Variants in LRRC7 observed in about 807,000 individuals in gnomAD.
The protein encoded by LRRC7 is leucine-rich repeat-containing protein 7.
LRRC7 carries 23 observed loss-of-function variants against 175.7 expected under a neutral mutation model. The ratio of observed to expected loss-of-function variants is 0.13; its 90% CI spans 0.09 to 0.19. LRRC7 has a LOEUF of 0.19. Ranked by LOEUF, LRRC7 falls within the 10% of genes least tolerant of loss-of-function variation. LRRC7 has a pLI of 1.00. For synonymous variants in LRRC7, 685 were observed against 680.9 expected (o/e 1.01, Z -0.09); for missense variants, 1,354 against 1,904.7 (o/e 0.71, Z 5.38).
chr1:70,130,814 G>A lies in LRRC7; in HGVS notation c.*8927G>A, dbSNP rs1320970858. ...GAAGAATAAAAGATGTCATGAGAGA[G>A]ACGAGGCTACGGAAGTGTAGTTGAG... On this transcript the variant is annotated 3_prime_UTR_variant, in exon 27 of 27. Transcript: ENST00000651989. Among the ~76,000 whole-genome samples the A allele has an allele frequency of 1.3e-5, 2 of 152,192 alleles. No individual in the cohort carries two copies. Among genetic ancestry groups the A allele is most frequent in the Non-Finnish European group, 2.9e-5 (2 of 68,042 alleles).
At chr1:69,696,522 G>A (rs1286957840) in intron 2 of LRRC7, among the ~76,000 whole-genome samples, 1 of 152,158 alleles carries the variant, frequency 6.6e-6, no homozygotes, top group Non-Finnish European at 1.5e-5. Context: ...AGTGATGATT[G>A]TATTTTGCAA....
At chr1:69,880,077 T>C (rs1686446087) in intron 7 of LRRC7, among the ~76,000 whole-genome samples, 1 of 152,164 alleles carries the variant, frequency 6.6e-6, no homozygotes, top group African/African-American at 2.4e-5. Flanking sequence ...CGGGAAATGC[T>C]CCGAGACACT....
In LRRC7 at chr1:70,016,453, G is replaced by T; in HGVS notation, c.1251-12G>T. 1 of 1,567,574 alleles carries T rather than the reference G, an allele frequency of 6.4e-7. No individual in the cohort carries two copies. Among genetic ancestry groups the T allele is most frequent in the Non-Finnish European group, 8.6e-7 (1 of 1,158,092 alleles). On this transcript the variant is annotated splice_polypyrimidine_tract_variant and intron_variant, in intron 13 of 26. Transcript: ENST00000651989. ...CTTTACCCATGCTATTAGACTTTTT[G>T]TGTTTTTGCAGATTGAAGAATTTAC... is the stretch of plus-strand genomic sequence containing the variant.
chr1:69,593,456 T>C (rs1035662812), intron 1 of LRRC7, among the ~76,000 whole-genome samples: 4 of 152,136 alleles, frequency 2.6e-5, no homozygotes, highest in African/African-American at 9.6e-5. Context: ...ATAGGAGATA[T>C]TGATTTTCAA....
chr1:70,060,120 C>G (rs768833648), intron 23 of LRRC7, among the ~76,000 whole-genome samples: 2 of 152,010 alleles, frequency 1.3e-5, no homozygotes, highest in Non-Finnish European at 2.9e-5. Context: ...GAGTTTGAGA[C>G]CAGCCTGGCC....
At chr1:69,596,258 C>T (rs771356519) in intron 1 of LRRC7, among the ~76,000 whole-genome samples, 10 of 152,046 alleles carry the variant, frequency 6.6e-5, no homozygotes, top group Non-Finnish European at 1.0e-4. Context: ...GTTAAAAATC[C>T]GGAGAGGTTA....
intron 2 of LRRC7, among the ~76,000 whole-genome samples, chr1:69,732,304 C>A (rs186799331): frequency 6.6e-6 from 1 of 150,994 alleles, no homozygotes; most frequent in Non-Finnish European, 1.5e-5. Flanking sequence ...TTTTAAAGTT[C>A]GATAGATTTA....
intron 4 of LRRC7, among the ~76,000 whole-genome samples, chr1:69,817,768 A>T (rs546123514): frequency 6.6e-6 from 1 of 152,182 alleles, no homozygotes; most frequent in Admixed American, 6.5e-5. Context: ...TGAATACATG[A>T]TATCTTCTCA....
At chr1:69,645,251 C>T (rs1199081744) in intron 1 of LRRC7, among the ~76,000 whole-genome samples, 2 of 151,868 alleles carry the variant, frequency 1.3e-5, no homozygotes, top group Admixed American at 1.3e-4. Context: ...TTAAGACTGA[C>T]AAATTCTAAA....
intron 23 of LRRC7, among the ~76,000 whole-genome samples, chr1:70,061,065 A>G (rs1014494431): frequency 4.6e-5 from 7 of 152,148 alleles, no homozygotes; most frequent in African/African-American, 1.7e-4. Context: ...CCCAAGCCTC[A>G]TAAGCAAATG....
At chr1:69,585,946 T>A (rs944432070) in intron 1 of LRRC7, among the ~76,000 whole-genome samples, 21 of 152,168 alleles carry the variant, frequency 1.4e-4, no homozygotes, top group African/African-American at 5.1e-4. Context: ...ATAGACGAAA[T>A]CAGCTACTAA....
chr1:69,796,158 C>G (rs866651205), intron 4 of LRRC7, among the ~76,000 whole-genome samples: 58 of 128,724 alleles, frequency 4.5e-4, no homozygotes, highest in African/African-American at 1.6e-3. Context: ...GTGATGTTCC[C>G]CTTCCTGTGT....
intron 8 of LRRC7, among the ~76,000 whole-genome samples, chr1:69,950,229 A>T (rs1188647323): frequency 2.0e-5 from 3 of 152,102 alleles, no homozygotes; most frequent in Non-Finnish European, 4.4e-5. Context: ...AGACATATGG[A>T]TGGATGGATG....
chr1:69,815,290 T>G (rs1333735373), intron 4 of LRRC7, among the ~76,000 whole-genome samples: 3 of 152,182 alleles, frequency 2.0e-5, no homozygotes, highest in Non-Finnish European at 4.4e-5. Flanking sequence ...AATAAAAATT[T>G]GGGGAACTTG....
At chr1:69,796,822 A>G (rs556115785) in intron 4 of LRRC7, among the ~76,000 whole-genome samples, 1 of 152,104 alleles carries the variant, frequency 6.6e-6, no homozygotes, top group African/African-American at 2.4e-5. Flanking sequence ...CAACAACAAC[A>G]AAAAACAGAC....
intron 1 of LRRC7, among the ~76,000 whole-genome samples, chr1:69,594,328 T>C (rs1646755202): frequency 6.6e-6 from 1 of 152,208 alleles, no homozygotes; most frequent in Non-Finnish European, 1.5e-5. Context: ...TTATGACTTT[T>C]TATATGTACC....
chr1:69,740,396 G>T (rs575097406), intron 2 of LRRC7, among the ~76,000 whole-genome samples: 2 of 151,752 alleles, frequency 1.3e-5, no homozygotes, highest in Non-Finnish European at 2.9e-5. Flanking sequence ...TTCATATTGG[G>T]GCCTCAACTT....
intron 11 of LRRC7, among the ~76,000 whole-genome samples, chr1:70,010,501 G>T (rs1431148209): frequency 6.6e-6 from 1 of 152,070 alleles, no homozygotes; most frequent in Non-Finnish European, 1.5e-5. Flanking sequence ...GGAAGTGGGG[G>T]TTGCAGTGAG....
In LRRC7 at chr1:70,133,118, G is replaced by A. The variant is rs1666741281; in HGVS notation, c.*11231G>A. 6.6e-6 allele frequency among the ~76,000 whole-genome samples: 1 copy of A among 152,110 alleles called. No homozygotes were observed. The highest frequency in any genetic ancestry group is 1.5e-5 in the Non-Finnish European group (1 of 68,028). ...AGAAACATGTGTCTGCAGTTCAGAAGAGCCACCACTAGATGGAGACCTCAT... is the reference window on the plus strand; with the variant it reads ...AGAAACATGTGTCTGCAGTTCAGAAAAGCCACCACTAGATGGAGACCTCAT... On this transcript the variant is annotated 3_prime_UTR_variant, in exon 27 of 27. Coordinates refer to ENST00000651989, the MANE Select transcript of LRRC7 (RefSeq NM_001370785.2).
Sources: gnomAD v4.1 joint callset for allele counts (sites outside exome capture counted in the v4.1 genomes callset) on GRCh38, gnomAD v4.1.1 for gene constraint, MANE v1.5 for transcripts, NCBI Gene and HGNC (gene_info 2026-07-23, HGNC 2026-07-21) for gene names.